Variants in ATP7B observed in about 807,000 individuals in gnomAD.
The protein encoded by ATP7B is copper-transporting ATPase 2.
Under a neutral mutation model 118.9 loss-of-function variants are expected in ATP7B, and 113 were observed. The ratio of observed to expected loss-of-function variants is 0.95; its 90% CI spans 0.82 to 1.11. ATP7B has a LOEUF of 1.11. Among genes scored for constraint, ATP7B ranks in the 50% most tolerant of loss-of-function variants. The probability of loss-of-function intolerance (pLI) is 0.00; values close to 1 mark genes in which losing one functional copy is unlikely to be tolerated. For missense variants in ATP7B, 1,867 were observed against 1,871.4 expected, an observed-to-expected ratio of 1.00 and a Z score of 0.04; for synonymous variants, 777 against 727.4, an observed-to-expected ratio of 1.07 and a Z score of -1.10.
chr13:51,972,058 G>A (rs1238586315), intron 2 of ATP7B, among the ~76,000 whole-genome samples: 1 of 152,176 alleles, frequency 6.6e-6, no homozygotes, highest in Non-Finnish European at 1.5e-5. Flanking sequence ...GACCTAATCG[G>A]TTACAACACA....
At chr13:51,936,676 G>A (rs1409847568) in intron 19 of ATP7B, among the ~76,000 whole-genome samples, 3 of 152,030 alleles carry the variant, frequency 2.0e-5, no homozygotes, top group Non-Finnish European at 4.4e-5. Flanking sequence ...TAAGGTGTAC[G>A]CTACCACGCC....
intron 9 of ATP7B, among the ~76,000 whole-genome samples, chr13:51,953,660 A>AT (rs1384076728): frequency 6.6e-6 from 1 of 152,114 alleles, no homozygotes; most frequent in Non-Finnish European, 1.5e-5. Context: ...AACCCTCTTA[A>AT]TTAAAAGACA....
At chr13:52,007,961 C>T (rs1387188388) in intron 1 of ATP7B, among the ~76,000 whole-genome samples, 1 of 152,072 alleles carries the variant, frequency 6.6e-6, no homozygotes, top group Non-Finnish European at 1.5e-5. Context: ...TTCCCAGCAC[C>T]TTGATGTGTT....
intron 1 of ATP7B, among the ~76,000 whole-genome samples, chr13:52,002,996 TAA>T (rs1953589588): frequency 2.6e-5 from 4 of 152,220 alleles, no homozygotes; most frequent in Admixed American, 2.6e-4. Flanking sequence ...GGCTTTGGCT[TAA>T]GAGAATGTTG....
intron 1 of ATP7B, among the ~76,000 whole-genome samples, chr13:52,006,608 T>C (rs1953783701): frequency 6.6e-6 from 1 of 152,236 alleles, no homozygotes; most frequent in South Asian, 2.1e-4. Flanking sequence ...CAGTTCACCC[T>C]CTGCCTTGCA....
chr13:51,944,856 G>T (rs971004536), intron 13 of ATP7B, among the ~76,000 whole-genome samples: 3 of 152,114 alleles, frequency 2.0e-5, no homozygotes, highest in Non-Finnish European at 4.4e-5. Flanking sequence ...CACACCTCTG[G>T]GCTCAGATAT....
At chr13:51,952,588 A>T (rs1958077619) in intron 9 of ATP7B, among the ~76,000 whole-genome samples, 1 of 152,236 alleles carries the variant, frequency 6.6e-6, no homozygotes, top group African/African-American at 2.4e-5. Context: ...AAACCTGAAG[A>T]TGTCTTAGAA....
At chr13:51,944,607 CCCCA>C (rs978301783) in intron 13 of ATP7B, among the ~76,000 whole-genome samples, 1 of 152,190 alleles carries the variant, frequency 6.6e-6, no homozygotes, top group Non-Finnish European at 1.5e-5. Flanking sequence ...CCACATACTC[CCCCA>C]CATCAGGTCA....
intron 9 of ATP7B, among the ~76,000 whole-genome samples, chr13:51,955,197 G>C (rs1031719917): frequency 3.9e-5 from 6 of 152,220 alleles, no homozygotes; most frequent in African/African-American, 1.4e-4. Flanking sequence ...GGCACAAGCA[G>C]AGGCCCAGAC....
chr13:51,934,808 CCAT>C lies in ATP7B; in HGVS notation c.4343_4345del (p.Asp1448del). On this transcript the variant is annotated inframe_deletion, in exon 21 of 21. Coordinates refer to ENST00000242839, the MANE Select transcript of ATP7B (RefSeq NM_000053.4). The stretch of plus-strand genomic sequence containing the variant: ...ATTCAGGAGCAGAGACCACTTGTCC[CCAT>C]CATCGTCTGCTGCAGCGCTGTGCCG... 6.2e-7 allele frequency: 1 copy of C among 1,614,180 alleles called. No homozygotes were observed. Among genetic ancestry groups the C allele is most frequent in the Non-Finnish European group, 8.5e-7 (1 of 1,180,052 alleles).
At chr13:51,966,076 T>A (rs933512379) in intron 4 of ATP7B, among the ~76,000 whole-genome samples, 2 of 152,216 alleles carry the variant, frequency 1.3e-5, no homozygotes, top group African/African-American at 4.8e-5. Context: ...ATTTTAAAAA[T>A]CAAGTATCCA....
chr13:51,938,341 G>A (rs1957100922), intron 17 of ATP7B, among the ~76,000 whole-genome samples: 1 of 152,206 alleles, frequency 6.6e-6, no homozygotes, highest in East Asian at 1.9e-4. Flanking sequence ...ACTCCTCACA[G>A]AGCCTGGCCC....
Position 52,011,366 on chromosome 13 carries a change from T to C in ATP7B, c.-29A>G, listed in dbSNP as rs760163341. ...CCCGCACGGACACCGAATTCTTCTC[T>C]GATCTGGCTCAGAGCAAAAGGTCAC... On this transcript the variant is annotated 5_prime_UTR_variant, in exon 1 of 21. Transcript: ENST00000242839. 6.2e-7 allele frequency: 1 copy of C among 1,614,162 alleles called. No individual in the cohort carries two copies. The highest frequency in any genetic ancestry group is 1.1e-5 in the South Asian group (1 of 91,086).
Position 51,934,974 on chromosome 13 carries a change from G to A in ATP7B, c.4180C>T (p.Pro1394Ser), listed in dbSNP as rs1956872130. ...YEAQAHGHMKPLTASQVSVHI... is the reference protein window; with the variant it reads ...YEAQAHGHMKSLTASQVSVHI... Reference sequence around the variant, plus strand: ...ACACTGACCTGGGATGCCGTCAGGGGCTTCATGTGGCCATGCGCCTGTGCC... The same window carrying A: ...ACACTGACCTGGGATGCCGTCAGGGACTTCATGTGGCCATGCGCCTGTGCC... Residue 1394 changes from proline (P) to serine (S), a missense_variant, in exon 21 of 21, where the codon CCC becomes TCC. Coordinates refer to ENST00000242839, the MANE Select transcript of ATP7B (RefSeq NM_000053.4). The A allele has an allele frequency of 6.2e-7, 1 of 1,613,904 alleles. No individual in the cohort carries two copies. Among genetic ancestry groups the A allele is most frequent in the African/African-American group, 1.3e-5 (1 of 74,910 alleles).
In ATP7B at chr13:51,934,662, G is replaced by C. The variant is rs1956849510; in HGVS notation, c.*94C>G. 1.3e-6 allele frequency: 2 copies of C among 1,572,768 alleles called. No individual in the cohort carries two copies. Among genetic ancestry groups the C allele is most frequent in the Admixed American group, 1.7e-5 (1 of 59,686 alleles). ...CCAGGGAGCGGAAGTCCCCAAAGCT[G>C]GAGGCTAGCTCAGCCCATCCTGCTG... On this transcript the variant is annotated 3_prime_UTR_variant, in exon 21 of 21. Coordinates refer to ENST00000242839, the MANE Select transcript of ATP7B (RefSeq NM_000053.4).
chr13:51,964,850 A>G, intron 5 of ATP7B, 22 bp downstream of exon 5: 1 of 1,611,488 alleles, frequency 6.2e-7, no homozygotes, highest in South Asian at 1.1e-5. Context: ...AGGTGACTAC[A>G]ATTTTTTAAT....
At chr13:51,959,793 C>T (rs1958610970) in intron 7 of ATP7B, 2 of 331,414 alleles carry the variant, frequency 6.0e-6, no homozygotes, top group South Asian at 2.8e-5. Flanking sequence ...CCAGTTGTTG[C>T]TTCCAGCAAC....
At chr13:51,946,057 C>A (rs1399294595) in intron 13 of ATP7B, among the ~76,000 whole-genome samples, 1 of 152,226 alleles carries the variant, frequency 6.6e-6, no homozygotes, top group African/African-American at 2.4e-5. Context: ...ACCTACCACA[C>A]AGAGTTGTTA....
In ATP7B at chr13:51,974,044, C is replaced by A. The variant is rs1951977983; in HGVS notation, c.1176G>T (p.Val392=). 6.2e-7 allele frequency: 1 copy of A among 1,614,238 alleles called. No individual in the cohort carries two copies. Among genetic ancestry groups the A allele is most frequent in the Non-Finnish European group, 8.5e-7 (1 of 1,180,048 alleles). ...CTGTTGCAGTCCCTTCGGCCAAAGA[C>A]ACCGATATTTGCTGCACCCCTTCCA... The part of the protein sequence containing the change: ...SQLEGVQQIS[V]SLAEGTATVL... Residue 392 remains valine, a synonymous_variant, in exon 2 of 21, where the codon GTG becomes GTT. Coordinates refer to ENST00000242839, the MANE Select transcript of ATP7B (RefSeq NM_000053.4).
Sources: gnomAD v4.1 joint callset for allele counts (sites outside exome capture counted in the v4.1 genomes callset) on GRCh38, gnomAD v4.1.1 for gene constraint, MANE v1.5 for transcripts, NCBI Gene and HGNC (gene_info 2026-07-23, HGNC 2026-07-21) for gene names.